The following IFT74 variants were observed in gnomAD, a reference collection of about 807,000 sequenced individuals.
IFT74 encodes the protein intraflagellar transport 74.
A neutral mutation model predicts 96.7 loss-of-function variants in IFT74; 92 were observed. The observed-to-expected ratio is 0.95, with a 90% confidence interval of 0.80 to 1.13. The LOEUF (loss-of-function observed/expected upper bound fraction) is 1.13. IFT74 is among the 50% of genes most tolerant of loss of function. The probability of loss-of-function intolerance (pLI) is 0.00; values close to 1 mark genes in which losing one functional copy is unlikely to be tolerated. For synonymous variants in IFT74, 223 were observed against 213.2 expected, an observed-to-expected ratio of 1.05 and a Z score of -0.40; for missense variants, 811 against 698.2, an observed-to-expected ratio of 1.16 and a Z score of -1.82.
intron 2 of IFT74, among the ~76,000 whole-genome samples, chr9:26,975,571 C>T (rs538589275): frequency 8.5e-5 from 13 of 152,268 alleles, no homozygotes; most frequent in Admixed American, 1.3e-4. Flanking sequence ...TTTCATCACG[C>T]GCTTGGCTGT....
At chr9:26,964,879 AAG>A (rs1826539740) in intron 2 of IFT74, among the ~76,000 whole-genome samples, 1 of 152,292 alleles carries the variant, frequency 6.6e-6, no homozygotes, top group African/African-American at 2.4e-5. Flanking sequence ...AGCTTAATAT[AAG>A]AGAGTGTGTC....
chr9:26,976,926 G>A, intron 2 of IFT74: 1 of 352,796 alleles, frequency 2.8e-6, no homozygotes, highest in Non-Finnish European at 5.5e-6. Flanking sequence ...AAGCCCTTTA[G>A]TACTTACATG....
chr9:26,996,449 T>C, intron 8 of IFT74: 1 of 1,566,204 alleles, frequency 6.4e-7, no homozygotes, highest in Non-Finnish European at 8.7e-7. Flanking sequence ...GTTTTGATAT[T>C]GTAGCTCTGC....
At chr9:27,011,454 T>TATTTATATTTACA (rs1829070034) in intron 9 of IFT74, among the ~76,000 whole-genome samples, 2 of 148,476 alleles carry the variant, frequency 1.3e-5, no homozygotes. Context: ...TGTGCATGTG[T>TATTTATATTTACA]TATATGTGTG....
chr9:26,976,201 T>C (rs753731904), intron 2 of IFT74, among the ~76,000 whole-genome samples: 1 of 152,048 alleles, frequency 6.6e-6, no homozygotes, highest in Non-Finnish European at 1.5e-5. Flanking sequence ...GTGGGACACG[T>C]CTCCCCCTGG....
intron 8 of IFT74, among the ~76,000 whole-genome samples, chr9:27,003,172 T>A (rs1227247745): frequency 6.6e-6 from 1 of 152,182 alleles, no homozygotes; most frequent in Non-Finnish European, 1.5e-5. Flanking sequence ...AGTTGTCAGT[T>A]TTTACAGATT....
chr9:26,998,298 C>A, intron 8 of IFT74: 2 of 1,071,070 alleles, frequency 1.9e-6, no homozygotes. Context: ...TAGAATTTCA[C>A]CAAATTTCAT....
chr9:26,987,934 A>T (rs1017172858), intron 6 of IFT74, among the ~76,000 whole-genome samples: 1 of 151,636 alleles, frequency 6.6e-6, no homozygotes, highest in Non-Finnish European at 1.5e-5. Context: ...ACTAGTGTAA[A>T]TTTGTTTTTT....
intron 18 of IFT74, 38 bp downstream of exon 18, chr9:27,056,497 T>A (rs1245867536): frequency 2.6e-6 from 4 of 1,532,626 alleles, no homozygotes; most frequent in Non-Finnish European, 3.5e-6. Context: ...ATTGTCTTAG[T>A]CTATATTTTC....
intron 11 of IFT74, among the ~76,000 whole-genome samples, chr9:27,017,667 G>A (rs1040687485): frequency 1.3e-5 from 2 of 152,144 alleles, no homozygotes; most frequent in Admixed American, 1.3e-4. Context: ...TTAGAAAATG[G>A]AGTATCCCAA....
At chr9:26,954,052 T>G (rs1393225727), upstream of IFT74, among the ~76,000 whole-genome samples, 2 of 152,220 alleles carry the variant, frequency 1.3e-5, no homozygotes, top group African/African-American at 2.4e-5. Flanking sequence ...AAATCAAGGT[T>G]GAATTCCTTT....
chr9:27,017,176 G>T, intron 11 of IFT74, 126 bp downstream of exon 11: 2 of 568,448 alleles, frequency 3.5e-6, no homozygotes, highest in East Asian at 6.4e-5. Flanking sequence ...AATAGTTTAT[G>T]TGAAGAAATG....
Position 27,062,784 on chromosome 9 carries a change from A to C in IFT74, c.*48A>C. ...TAAGGAAGTATCCTCTTGCTGCTAA[A>C]CTTGGTACAAGTTGACTACCAAAAA... is the stretch of plus-strand genomic sequence containing the variant. On this transcript the variant is annotated 3_prime_UTR_variant, in exon 20 of 20. Coordinates refer to ENST00000380062, the MANE Select transcript of IFT74 (RefSeq NM_025103.4). The C allele has an allele frequency of 1.0e-6, 1 of 990,890 alleles. No individual in the cohort carries two copies. Among genetic ancestry groups the C allele is most frequent in the Non-Finnish European group, 1.5e-6 (1 of 659,606 alleles). 61.4% of individuals were successfully genotyped at this position (990,890 alleles called of 1,614,324 possible). A position where few individuals can be genotyped will look rare whatever the true frequency, so the allele number is the denominator to read the frequency against.
Position 27,052,477 on chromosome 9 carries a change from C to T in IFT74, c.1334-3132C>T, listed in dbSNP as rs557040252. Among the ~76,000 whole-genome samples the T allele has an allele frequency of 6.0e-4, 85 of 140,680 alleles. 1 individual carries two copies. In the Middle Eastern group the frequency reaches 0.012, roughly 21 times the overall value. 92.3% of individuals were successfully genotyped at this position (140,680 alleles called of 152,430 possible). On this transcript the variant is annotated intron_variant, in intron 16 of 19. Coordinates refer to ENST00000380062, the MANE Select transcript of IFT74 (RefSeq NM_025103.4). ...GAGCCGAGATCGCGCCATTGCACTCCAGCCTGGGCAACAGAGTGAAAATCT... is the reference window on the plus strand; with the variant it reads ...GAGCCGAGATCGCGCCATTGCACTCTAGCCTGGGCAACAGAGTGAAAATCT...
intron 13 of IFT74, among the ~76,000 whole-genome samples, chr9:27,032,128 A>G (rs1250799278): frequency 6.6e-6 from 1 of 152,214 alleles, no homozygotes; most frequent in East Asian, 1.9e-4. Flanking sequence ...TCAGTTTTCT[A>G]TGCAAAAATA....
At chr9:27,054,711 C>T (rs981074659) in intron 16 of IFT74, among the ~76,000 whole-genome samples, 1 of 152,166 alleles carries the variant, frequency 6.6e-6, no homozygotes, top group African/African-American at 2.4e-5. Flanking sequence ...ATTTCAACAG[C>T]CTGACATGCA....
Position 27,011,887 on chromosome 9 carries a change from C to T in IFT74, c.727-19C>T, listed in dbSNP as rs1417001275. ...TTAATGTAATTTGGATTTATGTTTG[C>T]TTTTTTTTTTCCACTTAGGAATTAG... On this transcript the variant is annotated intron_variant, in intron 9 of 19. Coordinates refer to ENST00000380062, the MANE Select transcript of IFT74 (RefSeq NM_025103.4). 7.4e-7 allele frequency: 1 copy of T among 1,355,908 alleles called. No individual in the cohort carries two copies. The highest frequency in any genetic ancestry group is 9.9e-7 in the Non-Finnish European group (1 of 1,010,762). The allele number at this position is 1,355,908 out of a possible 1,614,324, so 84.0% of individuals were successfully genotyped here.
Position 27,055,595 on chromosome 9 carries a change from T to C in IFT74, c.1334-14T>C. The C allele has an allele frequency of 6.4e-7, 1 of 1,551,668 alleles. No individual in the cohort carries two copies. On this transcript the variant is annotated splice_polypyrimidine_tract_variant and intron_variant, in intron 16 of 19. Transcript: ENST00000380062. ...AATTTTGATTAATTATCACCTTAAA[T>C]TCTTATGTTTCAGACATTCAACGTC...
chr9:27,022,559 A>G (rs1261900219), intron 12 of IFT74, among the ~76,000 whole-genome samples: 3 of 151,726 alleles, frequency 2.0e-5, no homozygotes, highest in African/African-American at 4.8e-5. Flanking sequence ...TGGGTTAGGC[A>G]TATTCCCAAG....
Sources: gnomAD v4.1 joint callset for allele counts (sites outside exome capture counted in the v4.1 genomes callset) on GRCh38, gnomAD v4.1.1 for gene constraint, MANE v1.5 for transcripts, NCBI Gene and HGNC (gene_info 2026-07-23, HGNC 2026-07-21) for gene names.